The following ZBBX variants were observed in gnomAD, a reference collection of about 807,000 sequenced individuals.
The protein encoded by ZBBX is zinc finger B-box domain containing.
Under a neutral mutation model 108.5 loss-of-function variants are expected in ZBBX, and 101 were observed. The ratio of observed to expected loss-of-function variants is 0.93; its 90% CI spans 0.79 to 1.10. The LOEUF (loss-of-function observed/expected upper bound fraction) is 1.10. Ranked by LOEUF, ZBBX falls within the 50% of genes least tolerant of loss-of-function variation. The pLI is 0.00. For synonymous variants in ZBBX, 356 were observed against 323.4 expected, an observed-to-expected ratio of 1.10 and a Z score of -1.08; for missense variants, 1,009 against 941.4, an observed-to-expected ratio of 1.07 and a Z score of -0.94.
chr3:167,269,201 C>G (rs1248327092), intron 20 of ZBBX, among the ~76,000 whole-genome samples: 1 of 152,218 alleles, frequency 6.6e-6, no homozygotes, highest in Non-Finnish European at 1.5e-5. Flanking sequence ...ATGAGCTTAT[C>G]ACCTTTCTAG....
At chr3:167,245,434 T>G (rs890009994) in intron 20 of ZBBX, among the ~76,000 whole-genome samples, 10 of 152,154 alleles carry the variant, frequency 6.6e-5, no homozygotes, top group African/African-American at 2.2e-4. Flanking sequence ...TATGTCTTGT[T>G]TATTTCTCCT....
intron 16 of ZBBX, among the ~76,000 whole-genome samples, chr3:167,312,034 A>G (rs1734682664): frequency 6.6e-6 from 1 of 152,210 alleles, no homozygotes; most frequent in African/African-American, 2.4e-5. Context: ...AACAACCAAA[A>G]TGTTCTTCAA....
intron 5 of ZBBX, 37 bp downstream of exon 5, chr3:167,368,424 G>A (rs780656174): frequency 6.6e-5 from 93 of 1,405,606 alleles, no homozygotes; most frequent in Middle Eastern, 1.8e-4. Flanking sequence ...ATATAATTTA[G>A]TTGATTCATC....
upstream of ZBBX, among the ~76,000 whole-genome samples, chr3:167,383,280 A>G (rs1164903256): frequency 6.6e-6 from 1 of 151,942 alleles, no homozygotes; most frequent in Non-Finnish European, 1.5e-5. Flanking sequence ...CCTTTTTTAC[A>G]AGCCCTGAAA....
intron 20 of ZBBX, among the ~76,000 whole-genome samples, chr3:167,270,223 G>C (rs1333961423): frequency 1.3e-5 from 2 of 152,176 alleles, no homozygotes; most frequent in Non-Finnish European, 2.9e-5. Context: ...CATTTCGTAA[G>C]TGCAGGCAAG....
chr3:167,351,613 C>T (rs1742664892), intron 8 of ZBBX, among the ~76,000 whole-genome samples: 1 of 152,108 alleles, frequency 6.6e-6, no homozygotes, highest in South Asian at 2.1e-4. Context: ...CCATAGGCCT[C>T]CACACTGGCC....
chr3:167,301,967 A>C (rs1344670475), intron 17 of ZBBX, among the ~76,000 whole-genome samples: 1 of 151,698 alleles, frequency 6.6e-6, no homozygotes, highest in Non-Finnish European at 1.5e-5. Flanking sequence ...AAAAAAAAAA[A>C]AAAAAAAAAA....
intron 19 of ZBBX, among the ~76,000 whole-genome samples, chr3:167,282,725 T>C (rs1421415908): frequency 6.6e-6 from 1 of 152,176 alleles, no homozygotes; most frequent in Non-Finnish European, 1.5e-5. Flanking sequence ...CTAATTTTCC[T>C]ACATTCAGAG....
At chr3:167,344,166 G>A (rs1741037197) in intron 9 of ZBBX, among the ~76,000 whole-genome samples, 1 of 151,786 alleles carries the variant, frequency 6.6e-6, no homozygotes, top group Non-Finnish European at 1.5e-5. Flanking sequence ...TCCAGAATAG[G>A]CTAATCTAGA....
intron 20 of ZBBX, among the ~76,000 whole-genome samples, chr3:167,245,422 A>C (rs1051551174): frequency 8.6e-5 from 13 of 151,938 alleles, no homozygotes; most frequent in Non-Finnish European, 1.6e-4. Flanking sequence ...TCCCCTCTGC[A>C]CTATGTCTTG....
rs145938096 is a variant in ZBBX, at chr3:167,274,740, T to C, written c.2254+7498A>G. Among the ~76,000 whole-genome samples the C allele has an allele frequency of 6.5e-4, 99 of 152,318 alleles. No individual in the cohort carries two copies. The East Asian group carries it at 0.016, about 24-fold the overall frequency. ...GCACGTCTCACAAGCTCCACCACTG[T>C]ACCTCACGTCCCCCTCCTTTCCATA... On this transcript the variant is annotated intron_variant, in intron 20 of 21. Transcript: ENST00000675490.
chr3:167,240,526 G>C lies in ZBBX; in HGVS notation c.*267C>G. ...GTTCTGCCCTATAGTAGGTTTTATA[G>C]ACACAGTTGTAACAGTTATTTCTTC... On this transcript the variant is annotated 3_prime_UTR_variant, in exon 22 of 22. Coordinates refer to ENST00000675490, the MANE Select transcript of ZBBX (RefSeq NM_001199201.2). 1 of 259,726 alleles carries C rather than the reference G, an allele frequency of 3.9e-6. No individual in the cohort carries two copies. Among genetic ancestry groups the C allele is most frequent in the Non-Finnish European group, 7.4e-6 (1 of 134,440 alleles). 16.1% of individuals were successfully genotyped at this position (259,726 alleles called of 1,614,324 possible). A position where few individuals can be genotyped will look rare whatever the true frequency, so the allele number is the denominator to read the frequency against.
chr3:167,237,100 G>A (rs1235294384), downstream of ZBBX, among the ~76,000 whole-genome samples: 2 of 151,662 alleles, frequency 1.3e-5, no homozygotes, highest in African/African-American at 4.8e-5. Flanking sequence ...TAAAATAGCT[G>A]AGAAGCCATT....
the ZBBX span, among the ~76,000 whole-genome samples, chr3:167,181,499 T>C: frequency 1.3e-5 from 2 of 152,224 alleles, no homozygotes; most frequent in African/African-American, 4.8e-5. Flanking sequence ...AGAGAAATGA[T>C]TGAAATGTTC....
At chr3:167,273,607 T>C (rs1726936349) in intron 20 of ZBBX, among the ~76,000 whole-genome samples, 1 of 152,062 alleles carries the variant, frequency 6.6e-6, no homozygotes, top group Admixed American at 6.6e-5. Flanking sequence ...AGCTTACCCA[T>C]CAGTCGCCCC....
chr3:167,342,943 C>G (rs1308787937), intron 9 of ZBBX, among the ~76,000 whole-genome samples: 1 of 151,706 alleles, frequency 6.6e-6, no homozygotes, highest in African/African-American at 2.4e-5. Context: ...CAGTTTTTAT[C>G]TACCAATTAT....
intron 9 of ZBBX, among the ~76,000 whole-genome samples, chr3:167,347,204 AATTT>A (rs781264039): frequency 5.3e-5 from 8 of 151,906 alleles, no homozygotes; most frequent in Non-Finnish European, 1.0e-4. Context: ...ACATCTATCT[AATTT>A]ATTTATTATT....
At chr3:167,325,862 A>G (rs1577004641) in intron 11 of ZBBX, among the ~76,000 whole-genome samples, 1 of 152,324 alleles carries the variant, frequency 6.6e-6, no homozygotes. Flanking sequence ...AAAGCCAGTT[A>G]TAATGATAAT....
intron 8 of ZBBX, among the ~76,000 whole-genome samples, chr3:167,358,370 G>C (rs1057094218): frequency 6.6e-5 from 10 of 151,830 alleles, no homozygotes; most frequent in Non-Finnish European, 1.0e-4. Context: ...ACTAGGGGAT[G>C]GGGGGAATGG....
Sources: allele counts gnomAD v4.1 joint callset (sites outside exome capture counted in the v4.1 genomes callset), GRCh38; gene constraint gnomAD v4.1.1; transcripts MANE v1.5; gene names NCBI Gene and HGNC (gene_info 2026-07-23, HGNC 2026-07-21).